The following ABCC6 variants were observed in gnomAD, a reference collection of about 807,000 sequenced individuals.
The protein encoded by ABCC6 is ATP-binding cassette sub-family C member 6.
Under a neutral mutation model 169.5 loss-of-function variants are expected in ABCC6, and 126 were observed. The observed-to-expected ratio is 0.74, with a 90% CI of 0.64 to 0.86. The LOEUF (loss-of-function observed/expected upper bound fraction) is 0.86, where lower values mean the gene tolerates loss of function less well. ABCC6 is among the 40% of genes least tolerant of loss of function. ABCC6 has a pLI of 0.00. For synonymous variants in ABCC6, 752 were observed against 814.7 expected (o/e 0.92, Z 1.31); for missense variants, 1,733 against 1,927.2 (o/e 0.90, Z 1.89).
intron 6 of ABCC6, among the ~76,000 whole-genome samples, chr16:16,209,416 A>G (rs4781754): frequency 1.3e-5 from 2 of 152,042 alleles, no homozygotes; most frequent in African/African-American, 4.8e-5. Flanking sequence ...GTATAAATGT[A>G]TGAGTATATT....
rs1287400701 is a variant in ABCC6 at position 16,182,780 on chromosome 16, C to T, written c.2070+24G>A. 4 of 1,613,636 alleles carry T rather than the reference C, an allele frequency of 2.5e-6. No individual in the cohort carries two copies. The East Asian group carries it at 8.9e-5, about 36-fold the overall frequency. On this transcript the variant is annotated intron_variant, in intron 16 of 30. Transcript: ENST00000205557. ...GACTTTCAGGATGGGGACATCCTAG[C>T]AGACAGGCTGGGGGTGGCCTCACCT... is the stretch of plus-strand genomic sequence containing the variant.
Position 16,188,976 on chromosome 16 carries a change from TG to T in ABCC6, c.1636-3del, listed in dbSNP as rs2152268705. The T allele has an allele frequency of 6.4e-7, 1 of 1,562,202 alleles. No individual in the cohort carries two copies. On this transcript the variant is annotated splice_region_variant and splice_polypyrimidine_tract_variant and intron_variant, in intron 12 of 30. Transcript: ENST00000205557. ...GACAGCAAACACCACCAGTGCGACC[TG>T]GGGGGTGGGGGGGACACGTGGGGCA...
chr16:16,161,293 T>G (rs1249094893), intron 25 of ABCC6, 145 bp downstream of exon 25: 8 of 1,256,664 alleles, frequency 6.4e-6, no homozygotes, highest in Non-Finnish European at 8.9e-6. Context: ...CTGGCTCTTG[T>G]AGAGCTGCGT....
At chr16:16,155,176 A>G (rs1021722178) in intron 27 of ABCC6, 145 bp from the exon 28 acceptor site, 6 of 932,956 alleles carry the variant, frequency 6.4e-6, no homozygotes, top group Middle Eastern at 4.4e-4. Flanking sequence ...CCATCTGTCT[A>G]CCTTTCTATA....
In ABCC6 at chr16:16,181,285, G is replaced by A. The variant is rs1027081310; in HGVS notation, c.2247+1127C>T. 2.7e-4 allele frequency among the ~76,000 whole-genome samples: 40 copies of A among 149,236 alleles called. 1 individual carries two copies. The highest frequency in any genetic ancestry group is 8.4e-4 in the African/African-American group (34 of 40,434). On this transcript the variant is annotated intron_variant, in intron 17 of 30. Coordinates refer to ENST00000205557, the MANE Select transcript of ABCC6 (RefSeq NM_001171.6). The stretch of plus-strand genomic sequence containing the variant: ...TTGAACTCAGGAGGTGGAGGTTACA[G>A]TGAGCCAAGATTGTGCCACTGCACT...
Position 16,181,113 on chromosome 16 carries a change from GGC to G in ABCC6, c.2247+1297_2247+1298del, listed in dbSNP as rs1426266106. 2.6e-5 allele frequency among the ~76,000 whole-genome samples: 4 copies of G among 151,972 alleles called. No homozygotes were observed. The East Asian group carries it at 7.8e-4, about 30-fold the overall frequency. ...GAGGTCAGAAGTTCAAGACCAGCCT[GGC>G]CAACATGGTGAAACCCCATCTCTAC... is the stretch of plus-strand genomic sequence containing the variant. On this transcript the variant is annotated intron_variant, in intron 17 of 30. Transcript: ENST00000205557.
chr16:16,195,230 C>G (rs775056125), intron 10 of ABCC6, among the ~76,000 whole-genome samples: 18 of 151,616 alleles, frequency 1.2e-4, no homozygotes, highest in Non-Finnish European at 2.9e-5. Context: ...GAACTGTCTA[C>G]CAAGAGGCAG....
At chr16:16,173,240 G>A (rs374233915) in intron 21 of ABCC6, 44 bp downstream of exon 21, 9 of 1,610,642 alleles carry the variant, frequency 5.6e-6, no homozygotes, top group Non-Finnish European at 5.9e-6. Context: ...GCCCCTGGAG[G>A]TGGCAGCAGT....
At position 16,178,997 on chromosome 16, in the gene ABCC6, C is replaced by T. The variant is rs761107807; in HGVS notation, c.2248-32G>A. The T allele has an allele frequency of 8.7e-6, 14 of 1,606,824 alleles. No individual in the cohort carries two copies. In the East Asian group the frequency reaches 2.9e-4, roughly 33 times the overall value. ...CCACAAAAGGAACAGTGGCCTGAGT[C>T]AGCATCTACAGGGTGAAACTGGGGT... On this transcript the variant is annotated intron_variant, in intron 17 of 30. Transcript: ENST00000205557.
At chr16:16,180,583 A>G (rs2047435374) in intron 17 of ABCC6, among the ~76,000 whole-genome samples, 1 of 151,946 alleles carries the variant, frequency 6.6e-6, no homozygotes, top group South Asian at 2.1e-4. Context: ...ACCTCTGCCT[A>G]CTGGGTTCAA....
rs1283030493 is a variant in ABCC6 at position 16,169,748 on chromosome 16, C to T, written c.2893G>A (p.Gly965Ser). ...LCQQVASFCR[G>S]YWLSLWADDP... ...TCCGCCCACAGGCTCAGCCAGTAGC[C>T]CCGGCAGAAGGAGGCCACTTGCTGG... The change falls in exon 22 of 31, where the codon GGC becomes AGC. Residue 965 changes from glycine (G) to serine (S), a missense_variant. Transcript: ENST00000205557. 1 of 1,606,010 alleles carries T rather than the reference C, an allele frequency of 6.2e-7. No homozygotes were observed. Among genetic ancestry groups the T allele is most frequent in the Non-Finnish European group, 8.5e-7 (1 of 1,176,864 alleles).
intron 4 of ABCC6, among the ~76,000 whole-genome samples, chr16:16,215,098 C>T (rs550080672): frequency 1.4e-4 from 22 of 152,336 alleles, no homozygotes; most frequent in African/African-American, 4.6e-4. Flanking sequence ...CCCTCTACCC[C>T]AATCTTCAAC....
Position 16,178,841 on chromosome 16 carries a change from AC to A in ABCC6, c.2371del (p.Val791SerfsTer20). 1 of 1,613,844 alleles carries A rather than the reference AC, an allele frequency of 6.2e-7. No homozygotes were observed. The highest frequency in any genetic ancestry group is 1.1e-5 in the South Asian group (1 of 91,084). On this transcript the variant is annotated frameshift_variant, in exon 18 of 31. Coordinates refer to ENST00000205557, the MANE Select transcript of ABCC6 (RefSeq NM_001171.6). LOFTEE classifies it high-confidence loss of function. Reference sequence around the variant, plus strand: ...ACCAGGCCCAATGACCTGGTTGAAGACATGCTGGCCAACGTGGGCATCCAGG... The same window carrying A: ...ACCAGGCCCAATGACCTGGTTGAAGAATGCTGGCCAACGTGGGCATCCAGG... ...AALDAHVGQH[V>X]FNQVIGPGGL...
intron 26 of ABCC6, among the ~76,000 whole-genome samples, chr16:16,159,201 G>A (rs1316290804): frequency 6.6e-6 from 1 of 152,100 alleles, no homozygotes; most frequent in Non-Finnish European, 1.5e-5. Flanking sequence ...CAGCTATGTT[G>A]CTGTTGCAAT....
In ABCC6 at chr16:16,221,687, C is replaced by G. The variant is rs745506209; in HGVS notation, c.181G>C (p.Gly61Arg). The G allele has an allele frequency of 6.2e-7, 1 of 1,613,844 alleles. No homozygotes were observed. The highest frequency in any genetic ancestry group is 2.2e-5 in the East Asian group (1 of 44,872). Residue 61 changes from glycine to arginine, a missense_variant, in exon 2 of 31, where the codon GGC becomes CGC. Gly to Arg is a moderately radical substitution (Grantham distance 125). This residue lies in a region of ABCC6 where 66 missense variants were observed against 69.5 expected (regional missense o/e 0.95). Transcript: ENST00000205557. The part of the protein sequence containing the change: ...YLLFIHHHGR[G>R]YLRMSPLFKA... ...AAGAGTGGGGACATCCGGAGGTAGCCCCGGCCATGGTGGTGGATGAAGAGG... is the reference window on the plus strand; with the variant it reads ...AAGAGTGGGGACATCCGGAGGTAGCGCCGGCCATGGTGGTGGATGAAGAGG...
chr16:16,198,174 A>G lies in ABCC6; in HGVS notation c.1185T>C (p.Ala395=), dbSNP rs762876678. The change falls in exon 10 of 31, where the codon GCT becomes GCC. Residue 395 remains alanine (A), a synonymous_variant. Coordinates refer to ENST00000205557, the MANE Select transcript of ABCC6 (RefSeq NM_001171.6). ...TGGCCTTTCTGGAGCCGCTGGACAGAGCCAGGACCTGGCGGGTGGGCAGAA... is the reference window on the plus strand; with the variant it reads ...TGGCCTTTCTGGAGCCGCTGGACAGGGCCAGGACCTGGCGGGTGGGCAGAA... ...ITGLVYRKVL[A]LSSGSRKASA... The G allele has an allele frequency of 6.2e-7, 1 of 1,601,012 alleles. No individual in the cohort carries two copies. The highest frequency in any genetic ancestry group is 1.1e-5 in the South Asian group (1 of 89,344).
rs575521072 is a variant in ABCC6 at position 16,169,845 on chromosome 16, G to T, written c.2796C>A (p.Ala932=). The change falls in exon 22 of 31, where the codon GCC becomes GCA. Residue 932 remains alanine (A), a synonymous_variant. Coordinates refer to ENST00000205557, the MANE Select transcript of ABCC6 (RefSeq NM_001171.6). The part of the protein sequence containing the change: ...KDSIQYGRVK[A]TVHLAYLRAV... ...CACGCAGGTAGGCCAGGTGCACTGT[G>T]GCCTTCACCTGTAGCACACATGAGG... 1 of 1,553,552 alleles carries T rather than the reference G, an allele frequency of 6.4e-7. No individual in the cohort carries two copies. The highest frequency in any genetic ancestry group is 2.4e-5 in the East Asian group (1 of 41,148).
chr16:16,173,561 C>T (rs760277652), intron 20 of ABCC6, among the ~76,000 whole-genome samples, 157 bp from the exon 21 acceptor site: 1 of 152,206 alleles, frequency 6.6e-6, no homozygotes, highest in African/African-American at 2.4e-5. Flanking sequence ...CCAGATATCA[C>T]ACTTCCCTTC....
chr16:16,209,204 C>T (rs1315443875), intron 6 of ABCC6, among the ~76,000 whole-genome samples: 1 of 152,230 alleles, frequency 6.6e-6, no homozygotes, highest in South Asian at 2.1e-4. Flanking sequence ...CCACCTCAGC[C>T]TCCTGAGTAG....
Sources: allele counts gnomAD v4.1 joint callset (sites outside exome capture counted in the v4.1 genomes callset), GRCh38; gene constraint gnomAD v4.1.1; regional missense constraint gnomAD v4.1.1; transcripts MANE v1.5; gene names NCBI Gene and HGNC (gene_info 2026-07-23, HGNC 2026-07-21).